Variants in ADAMTS2 observed in about 807,000 individuals in gnomAD.
ADAMTS2 encodes ADAM metallopeptidase with thrombospondin type 1 motif 2.
In ADAMTS2, 50 loss-of-function variants were observed where a neutral mutation model predicts 123.0. That is an observed-to-expected ratio of 0.41 (90% CI 0.32 to 0.51). The LOEUF is 0.51. ADAMTS2 is among the 20% of genes least tolerant of loss of function. The pLI is 0.35. For synonymous variants in ADAMTS2, 678 were observed against 695.4 expected, an observed-to-expected ratio of 0.98 and a Z score of 0.39; for missense variants, 1,494 against 1,705.2, an observed-to-expected ratio of 0.88 and a Z score of 2.18.
intron 3 of ADAMTS2, among the ~76,000 whole-genome samples, chr5:179,251,062 G>A (rs921229888): frequency 2.6e-5 from 4 of 152,196 alleles, no homozygotes; most frequent in East Asian, 3.9e-4. Context: ...GGGCTCAGCC[G>A]GCACCTGAAG....
intron 13 of ADAMTS2, 121 bp downstream of exon 13, chr5:179,135,788 T>C: frequency 2.0e-6 from 3 of 1,466,450 alleles, no homozygotes; most frequent in Non-Finnish European, 2.8e-6. Flanking sequence ...CGGGCATTGT[T>C]TCTGACACTT....
chr5:179,131,288 G>A (rs545293717), intron 15 of ADAMTS2, among the ~76,000 whole-genome samples: 2 of 143,480 alleles, frequency 1.4e-5, no homozygotes, highest in African/African-American at 5.3e-5. Flanking sequence ...ACTCCAGCCT[G>A]GGCGACAGAG....
intron 21 of ADAMTS2, among the ~76,000 whole-genome samples, chr5:179,119,964 A>G (rs1033335890): frequency 6.6e-6 from 1 of 152,174 alleles, no homozygotes; most frequent in Non-Finnish European, 1.5e-5. Context: ...ACGGTTTGCT[A>G]TCAGATTTTG....
intron 3 of ADAMTS2, among the ~76,000 whole-genome samples, chr5:179,243,002 G>C (rs1013056661): frequency 2.6e-5 from 4 of 152,044 alleles, no homozygotes; most frequent in Admixed American, 6.6e-5. Flanking sequence ...TCCATGCTAG[G>C]GGGAGGCAAA....
intron 3 of ADAMTS2, among the ~76,000 whole-genome samples, chr5:179,247,977 G>A (rs546557555): frequency 3.3e-5 from 5 of 152,238 alleles, no homozygotes; most frequent in African/African-American, 7.2e-5. Flanking sequence ...ATCTTCGTTT[G>A]TAACTCTTCT....
rs184531079 is a variant in ADAMTS2, at chr5:179,221,794, C to T, written c.689-14079G>A. On this transcript the variant is annotated intron_variant, in intron 3 of 21. Transcript: ENST00000251582. ...CCCTGGAACTTGCCAGACCCTCAGC[C>T]CTCTCTCCCAGTGAGTGTCAGGGAC... Among the ~76,000 whole-genome samples the T allele has an allele frequency of 1.4e-3, 216 of 152,250 alleles. 1 individual carries two copies. The highest frequency in any genetic ancestry group is 4.8e-3 in the African/African-American group (198 of 41,542).
rs1301260955 is a variant in ADAMTS2, at chr5:179,136,002, G to A, written c.1992C>T (p.Thr664=). The A allele has an allele frequency of 1.9e-6, 3 of 1,613,396 alleles. No individual in the cohort carries two copies. Among genetic ancestry groups the A allele is most frequent in the East Asian group, 2.2e-5 (1 of 44,866 alleles). ...TGCGCTTCATGGACACCACCTCCCC[G>A]GTCTCCCTGGACTCGCAGTACAGGT... The part of the protein sequence containing the change: ...RCHLYCESRE[T]GEVVSMKRMV... The change falls in exon 13 of 22, where the codon ACC becomes ACT. Residue 664 remains threonine (T), a synonymous_variant. Transcript: ENST00000251582.
intron 3 of ADAMTS2, among the ~76,000 whole-genome samples, chr5:179,226,105 C>T (rs1208079871): frequency 2.6e-5 from 4 of 152,198 alleles, no homozygotes; most frequent in East Asian, 1.9e-4. Context: ...CCCCATAGCA[C>T]GCCCTGCGAG....
At chr5:179,313,454 A>G (rs78718321) in intron 2 of ADAMTS2, among the ~76,000 whole-genome samples, 3 of 740 alleles carry the variant, frequency 4.1e-3, no homozygotes, top group Admixed American at 0.017. Flanking sequence ...ATTCACACTC[A>G]TGCACACACT....
chr5:179,296,179 C>T (rs1756324747), intron 2 of ADAMTS2, among the ~76,000 whole-genome samples: 1 of 152,088 alleles, frequency 6.6e-6, no homozygotes, highest in Non-Finnish European at 1.5e-5. Context: ...CTCTGTGGTC[C>T]GTGGGACCTC....
At chr5:179,259,597 C>T (rs1355550043) in intron 3 of ADAMTS2, among the ~76,000 whole-genome samples, 1 of 152,228 alleles carries the variant, frequency 6.6e-6, no homozygotes, top group African/African-American at 2.4e-5. Context: ...CTGGGATTCA[C>T]GCATTGCTGC....
At chr5:179,297,806 G>C (rs67025042) in intron 2 of ADAMTS2, among the ~76,000 whole-genome samples, 30,238 of 152,014 alleles carry the variant, frequency 0.2, 3,214 homozygotes, top group East Asian at 0.35. Flanking sequence ...CTCCCCTGCT[G>C]CGTCTTCGGC....
At chr5:179,157,912 T>C (rs1401506186) in intron 6 of ADAMTS2, among the ~76,000 whole-genome samples, 1 of 152,186 alleles carries the variant, frequency 6.6e-6, no homozygotes, top group African/African-American at 2.4e-5. Context: ...ACTTTTGAAA[T>C]GTGCTACTAT....
intron 3 of ADAMTS2, among the ~76,000 whole-genome samples, chr5:179,263,977 A>T (rs937913207): frequency 1.4e-4 from 21 of 151,906 alleles, no homozygotes; most frequent in African/African-American, 4.8e-4. Context: ...CCTGCAGAGA[A>T]TTCTGAGAGG....
Position 179,307,774 on chromosome 5 carries a change from C to T in ADAMTS2, c.535-34710G>A, listed in dbSNP as rs1756720642. Among the ~76,000 whole-genome samples, 1 of 152,208 alleles carries T rather than the reference C, an allele frequency of 6.6e-6. No individual in the cohort carries two copies. Among genetic ancestry groups the T allele is most frequent in the African/African-American group, 2.4e-5 (1 of 41,452 alleles). ...TGCCTCCACCTGGAATGGCCTTCTT[C>T]CAGAAGTCCAGGTCCTAGCTCCGAT... On this transcript the variant is annotated intron_variant, in intron 2 of 21. Transcript: ENST00000251582. This position sits in a 1 kb window ranked among gnomAD's most constrained non-coding sequence, Gnocchi z 5.6.
rs771376424 is a variant in ADAMTS2 at position 179,153,473 on chromosome 5, G to A, written c.1515+18C>T. On this transcript the variant is annotated intron_variant, in intron 9 of 21. Transcript: ENST00000251582. ...CCCCAGACCTGGGAGGGTCCCGGCTGCAGGGCTGCACACTCACCGCCGTGC... is the reference window on the plus strand; with the variant it reads ...CCCCAGACCTGGGAGGGTCCCGGCTACAGGGCTGCACACTCACCGCCGTGC... 20 of 1,606,032 alleles carry A rather than the reference G, an allele frequency of 1.2e-5. No individual in the cohort carries two copies. Among genetic ancestry groups the A allele is most frequent in the Non-Finnish European group, 1.7e-5 (20 of 1,179,784 alleles).
chr5:179,207,471 A>ACCCAACCCCCCC, intron 4 of ADAMTS2, 42 bp downstream of exon 4: 2 of 1,026,474 alleles, frequency 1.9e-6, no homozygotes, highest in Non-Finnish European at 3.0e-6. Flanking sequence ...CCCCTGGTTG[A>ACCCAACCCCCCC]CCCTCCCCGC....
In ADAMTS2 at chr5:179,344,018, G is replaced by C; in HGVS notation, c.283C>G (p.Pro95Ala). ...TCCTCGTTGCCTCCGGGGAAGCTCGGGGTCCGGACCGGGGCGGCCCTGCGG... is the reference window on the plus strand; with the variant it reads ...TCCTCGTTGCCTCCGGGGAAGCTCGCGGTCCGGACCGGGGCGGCCCTGCGG... ...RARRAAPVRT[P>A]SFPGGNEEEP... Residue 95 changes from proline to alanine, a missense_variant, in exon 2 of 22, where the codon CCG (proline) becomes GCG (alanine). Around this residue, in one of 6 missense-constraint regions of ADAMTS2, gnomAD observed 237 missense variants for 233.7 expected, o/e 1.01. Transcript: ENST00000251582. 1 of 1,612,688 alleles carries C rather than the reference G, an allele frequency of 6.2e-7. No individual in the cohort carries two copies. Among genetic ancestry groups the C allele is most frequent in the Non-Finnish European group, 8.5e-7 (1 of 1,179,886 alleles).
rs983754163 is a variant in ADAMTS2 at position 179,228,658 on chromosome 5, C to T, written c.689-20943G>A. On this transcript the variant is annotated intron_variant, in intron 3 of 21. Coordinates refer to ENST00000251582, the MANE Select transcript of ADAMTS2 (RefSeq NM_014244.5). This position sits in a 1 kb window ranked among gnomAD's most constrained non-coding sequence, Gnocchi z 5.2. ...CCCCAGCCCCAGAACCCACCATGCG[C>T]GGCTGGGCCGACTGTGCCTGCCCTT... Among the ~76,000 whole-genome samples, 1 of 152,254 alleles carries T rather than the reference C, an allele frequency of 6.6e-6. No homozygotes were observed. Among genetic ancestry groups the T allele is most frequent in the South Asian group, 2.1e-4 (1 of 4,832 alleles).
Sources: gnomAD v4.1 joint callset for allele counts (sites outside exome capture counted in the v4.1 genomes callset) on GRCh38, gnomAD v4.1.1 for gene constraint, gnomAD v4.1.1 regional missense constraint, Gnocchi (gnomAD v3.1) non-coding constraint, MANE v1.5 for transcripts, NCBI Gene and HGNC (gene_info 2026-07-23, HGNC 2026-07-21) for gene names.